NTRK3: variants seen among roughly 807,000 people sequenced by gnomAD.
The protein encoded by NTRK3 is NT-3 growth factor receptor.
A neutral mutation model predicts 91.7 loss-of-function variants in NTRK3; 24 were observed. The observed-to-expected ratio is 0.26, with a 90% CI of 0.19 to 0.37. The LOEUF is 0.37. NTRK3 is among the 10% of genes least tolerant of loss of function. The probability of loss-of-function intolerance (pLI) is 1.00; values close to 1 mark genes in which losing one functional copy is unlikely to be tolerated. For missense variants in NTRK3, 880 were observed against 1,068.9 expected, an observed-to-expected ratio of 0.82 and a Z score of 2.46; for synonymous variants, 483 against 404.0, an observed-to-expected ratio of 1.20 and a Z score of -2.34.
In NTRK3 at chr15:88,235,280, G is replaced by T. The variant is rs565113744; in HGVS notation, c.248+20626C>A. On this transcript the variant is annotated intron_variant, in intron 3 of 18. Coordinates refer to ENST00000394480, the Ensembl canonical transcript of NTRK3. This position sits in a 1 kb window ranked among gnomAD's most constrained non-coding sequence, Gnocchi z 5.2. ...TCACCAACATGAATGAGTAAGGCCT[G>T]TGTCGCTGTCTACCCTACCCACAAT... Among the ~76,000 whole-genome samples, 4 of 152,324 alleles carry T rather than the reference G, an allele frequency of 2.6e-5. No individual in the cohort carries two copies. Among genetic ancestry groups the T allele is most frequent in the African/African-American group, 7.2e-5 (3 of 41,572 alleles).
At chr15:87,940,842 G>A (rs2142022327) in intron 14 of NTRK3, 89 bp from the exon 15 acceptor site, 1 of 1,595,714 alleles carries the variant, frequency 6.3e-7, no homozygotes, top group East Asian at 2.2e-5. Context: ...CTAGCGTGGA[G>A]AACTTGGTTC....
chr15:87,919,379 T>C (rs2067687634), intron 17 of NTRK3, among the ~76,000 whole-genome samples: 1 of 152,166 alleles, frequency 6.6e-6, no homozygotes, highest in South Asian at 2.1e-4. Flanking sequence ...CACTTCATTG[T>C]TAGAGCCCGG....
chr15:88,097,887 T>C (rs1372641200), intron 13 of NTRK3, among the ~76,000 whole-genome samples: 1 of 152,246 alleles, frequency 6.6e-6, no homozygotes, highest in African/African-American at 2.4e-5. Context: ...AAGGGTGATT[T>C]ACTGTTTTTC....
chr15:88,161,802 C>T (rs74027783), intron 5 of NTRK3, among the ~76,000 whole-genome samples: 237 of 152,292 alleles, frequency 1.6e-3, no homozygotes, highest in African/African-American at 5.5e-3. Context: ...AACAAACATG[C>T]TGAGCTGCTC....
chr15:88,123,206 C>CA (rs1296918570), intron 13 of NTRK3, among the ~76,000 whole-genome samples: 2 of 152,154 alleles, frequency 1.3e-5, no homozygotes, highest in African/African-American at 4.8e-5. Flanking sequence ...TCTTGACACT[C>CA]ACAGCAACCC....
At chr15:88,083,458 G>A (rs1406157121) in intron 13 of NTRK3, among the ~76,000 whole-genome samples, 3 of 152,164 alleles carry the variant, frequency 2.0e-5, no homozygotes, top group Admixed American at 1.3e-4. Context: ...CTGACCTCAA[G>A]TGATCCACCT....
chr15:87,886,699 T>TATATATACAC (rs1265075771), intron 17 of NTRK3, among the ~76,000 whole-genome samples: 3 of 138,482 alleles, frequency 2.2e-5, no homozygotes, highest in African/African-American at 8.2e-5. Context: ...TATATATATA[T>TATATATACAC]ACATATATAC....
At chr15:87,911,033 A>C (rs2067061358) in intron 17 of NTRK3, among the ~76,000 whole-genome samples, 1 of 152,300 alleles carries the variant, frequency 6.6e-6, no homozygotes, top group South Asian at 2.1e-4. Context: ...AGAAAGGTCA[A>C]ATGAAGATTT....
chr15:88,032,705 CAA>C (rs2078661537), intron 14 of NTRK3, 150 bp downstream of exon 14: 4 of 880,952 alleles, frequency 4.5e-6, no homozygotes, highest in Non-Finnish European at 7.2e-6. Context: ...GGCTATTCTT[CAA>C]GTTTTGAAAC....
At chr15:87,979,759 TG>T (rs1282595293) in intron 14 of NTRK3, among the ~76,000 whole-genome samples, 1 of 152,106 alleles carries the variant, frequency 6.6e-6, no homozygotes, top group Non-Finnish European at 1.5e-5. Flanking sequence ...CTCATCTAAG[TG>T]GGTCTCAGTC....
At chr15:87,969,331 A>G (rs1207042147) in intron 14 of NTRK3, among the ~76,000 whole-genome samples, 1 of 152,196 alleles carries the variant, frequency 6.6e-6, no homozygotes, top group Admixed American at 6.5e-5. Context: ...GGAAAGAGGT[A>G]ACTCCTGCTT....
intron 10 of NTRK3, 114 bp from the exon 11 acceptor site, chr15:88,128,848 T>G (rs1020873704): frequency 3.1e-6 from 3 of 960,502 alleles, no homozygotes; most frequent in Non-Finnish European, 5.1e-6. Flanking sequence ...CCTGTTCTCA[T>G]GGCAACTGAC....
chr15:88,172,689 C>A (rs1333272678), intron 5 of NTRK3, among the ~76,000 whole-genome samples: 1 of 152,154 alleles, frequency 6.6e-6, no homozygotes, highest in African/African-American at 2.4e-5. Flanking sequence ...ATGCAGTGGG[C>A]CAGCAGGTGA....
At chr15:88,149,664 T>C (rs1458497161) in intron 5 of NTRK3, among the ~76,000 whole-genome samples, 1 of 152,224 alleles carries the variant, frequency 6.6e-6, no homozygotes, top group African/African-American at 2.4e-5. Context: ...GGACACCACC[T>C]GGGGCAAAGC....
chr15:88,133,963 A>G (rs1372402534), intron 10 of NTRK3, among the ~76,000 whole-genome samples: 1 of 152,240 alleles, frequency 6.6e-6, no homozygotes, highest in African/African-American at 2.4e-5. Flanking sequence ...TTGCACTGAC[A>G]TAAATAAAGC....
At chr15:88,250,246 CCA>C (rs760838968) in intron 3 of NTRK3, among the ~76,000 whole-genome samples, 4 of 152,214 alleles carry the variant, frequency 2.6e-5, no homozygotes, top group Admixed American at 1.3e-4. Context: ...CCCAGAAGAA[CCA>C]CAGACTCCTG....
intron 5 of NTRK3, among the ~76,000 whole-genome samples, chr15:88,158,302 G>GT (rs1429883145): frequency 6.6e-6 from 1 of 152,196 alleles, no homozygotes; most frequent in Non-Finnish European, 1.5e-5. Flanking sequence ...AGGTCCAGGT[G>GT]GTGACCCCTT....
intron 14 of NTRK3, among the ~76,000 whole-genome samples, chr15:87,989,495 G>A (rs1242636735): frequency 6.6e-6 from 1 of 152,122 alleles, no homozygotes; most frequent in South Asian, 2.1e-4. Flanking sequence ...ACACACTGGG[G>A]CCTGTTGTGG....
intron 5 of NTRK3, among the ~76,000 whole-genome samples, chr15:88,163,762 C>T (rs2044680389): frequency 6.6e-6 from 1 of 152,134 alleles, no homozygotes; most frequent in South Asian, 2.1e-4. Flanking sequence ...TGACAGGTGA[C>T]CACACATTCT....
Sources: allele counts gnomAD v4.1 joint callset (sites outside exome capture counted in the v4.1 genomes callset), GRCh38; gene constraint gnomAD v4.1.1; non-coding constraint Gnocchi (gnomAD v3.1); transcripts MANE v1.5; gene names NCBI Gene and HGNC (gene_info 2026-07-23, HGNC 2026-07-21).